Variants in PPP2R5D observed in about 807,000 individuals in gnomAD.
PPP2R5D encodes the protein protein phosphatase 2 regulatory subunit B'delta.
Under a neutral mutation model 79.1 loss-of-function variants are expected in PPP2R5D, and 12 were observed. The observed-to-expected ratio is 0.15, with a 90% confidence interval of 0.10 to 0.25. The LOEUF is 0.25. Ranked by LOEUF, PPP2R5D falls within the 10% of genes least tolerant of loss-of-function variation. PPP2R5D has a pLI of 1.00. For missense variants in PPP2R5D, 419 were observed against 760.2 expected (o/e 0.55, Z 5.28); for synonymous variants, 277 against 286.6 (o/e 0.97, Z 0.34).
At chr6:42,985,244 A>G (rs1770748047) in intron 1 of PPP2R5D, among the ~76,000 whole-genome samples, 1 of 151,954 alleles carries the variant, frequency 6.6e-6, no homozygotes, top group Non-Finnish European at 1.5e-5. Flanking sequence ...CCTCCACCCA[A>G]ATCTGGCCTA....
chr6:42,988,008 G>T lies in PPP2R5D; in HGVS notation c.28-1603G>T, dbSNP rs545703965. Among the ~76,000 whole-genome samples the T allele has an allele frequency of 6.6e-5, 10 of 152,156 alleles. No individual in the cohort carries two copies. In the South Asian group the frequency reaches 1.0e-3, roughly 16 times the overall value. On this transcript the variant is annotated intron_variant, in intron 1 of 15. Transcript: ENST00000485511. ...TGCTCTCAGCCACTGATAAGGGTCA[G>T]TGTGGCCAGCTGGGTTAGTATACAG...
chr6:43,001,731 C>T (rs558109693), intron 2 of PPP2R5D, among the ~76,000 whole-genome samples: 1 of 151,796 alleles, frequency 6.6e-6, no homozygotes, highest in South Asian at 2.1e-4. Context: ...AAAAATACGA[C>T]AAAAAATTAG....
At position 43,007,988 on chromosome 6, in the gene PPP2R5D, C is replaced by G. The variant is rs1762180088; in HGVS notation, c.780C>G (p.Thr260=). 1 of 1,614,042 alleles carries G rather than the reference C, an allele frequency of 6.2e-7. No homozygotes were observed. Among genetic ancestry groups the G allele is most frequent in the Non-Finnish European group, 8.5e-7 (1 of 1,180,036 alleles). The change falls in exon 7 of 16, where the codon ACC becomes ACG. Residue 260 remains threonine (T), a synonymous_variant. Transcript: ENST00000485511. The surrounding 1 kb of genome is among the most constrained non-coding windows in gnomAD (Gnocchi z 4.5). ...EDPRERDFLK[T]ILHRIYGKFL... ...CTCGAGAGCGGGACTTCCTCAAGAC[C>G]ATTTTGCATCGCATCTATGGCAAGT...
At chr6:42,989,933 C>T (rs1172401452) in intron 2 of PPP2R5D, among the ~76,000 whole-genome samples, 1 of 152,188 alleles carries the variant, frequency 6.6e-6, no homozygotes, top group African/African-American at 2.4e-5. Flanking sequence ...CTCTGCTTAC[C>T]AACTTGGAAT....
At position 43,008,469 on chromosome 6, in the gene PPP2R5D, C is replaced by G. The variant is rs1373169420; in HGVS notation, c.1020C>G (p.His340Gln). 1 of 1,608,848 alleles carries G rather than the reference C, an allele frequency of 6.2e-7. No homozygotes were observed. The highest frequency in any genetic ancestry group is 1.3e-5 in the African/African-American group (1 of 74,784). ...AGGTCAAGTCCCTGAGTGTCTACCA[C>G]CCTCAGGTGAGCTGCCTTCCTCCTT... ...LHKVKSLSVY[H>Q]PQLAYCVVQF... Residue 340 changes from histidine (H) to glutamine (Q), a missense_variant, in exon 9 of 16, where the codon CAC becomes CAG. Around this residue, in one of 5 missense-constraint regions of PPP2R5D, gnomAD observed 196 missense variants for 424.5 expected, o/e 0.46. Coordinates refer to ENST00000485511, the MANE Select transcript of PPP2R5D (RefSeq NM_006245.4). The surrounding 1 kb of genome is among the most constrained non-coding windows in gnomAD (Gnocchi z 4.2).
chr6:43,003,647 G>A (rs903161041), intron 2 of PPP2R5D, among the ~76,000 whole-genome samples: 4 of 151,850 alleles, frequency 2.6e-5, no homozygotes, highest in Middle Eastern at 3.2e-3. Flanking sequence ...TCTGAACCTC[G>A]TTTTTGGTTC....
rs749382282 is a variant in PPP2R5D, at chr6:43,010,779, A to C, written c.1554+43A>C. ...CTGTTGTGAACTGAGGGGCCAGCCC[A>C]TCTTGAGCTGGGGGAGAGTTTGTTG... On this transcript the variant is annotated intron_variant, in intron 14 of 15. Transcript: ENST00000485511. This position sits in a 1 kb window ranked among gnomAD's most constrained non-coding sequence, Gnocchi z 4.7. 1 of 1,609,918 alleles carries C rather than the reference A, an allele frequency of 6.2e-7. No individual in the cohort carries two copies. Among genetic ancestry groups the C allele is most frequent in the Non-Finnish European group, 8.5e-7 (1 of 1,176,250 alleles).
Position 43,006,181 on chromosome 6 carries a change from T to G in PPP2R5D, c.106-282T>G, listed in dbSNP as rs1200998308. Among the ~76,000 whole-genome samples, 2 of 152,122 alleles carry G rather than the reference T, an allele frequency of 1.3e-5. No homozygotes were observed. Among genetic ancestry groups the G allele is most frequent in the Non-Finnish European group, 2.9e-5 (2 of 68,000 alleles). On this transcript the variant is annotated intron_variant, in intron 2 of 15. Transcript: ENST00000485511. This position sits in a 1 kb window ranked among gnomAD's most constrained non-coding sequence, Gnocchi z 4.7. ...CTTTTTTGACTTCTGTCACCATCAA[T>G]CTATCAATTAGCTTTACCTGTTCAT...
chr6:43,010,894 G>A lies in PPP2R5D; in HGVS notation c.1568G>A (p.Arg523Gln), dbSNP rs1762321025. Residue 523 changes from arginine (R) to glutamine (Q), a missense_variant, in exon 15 of 16, where the codon CGA becomes CAA. Coordinates refer to ENST00000485511, the MANE Select transcript of PPP2R5D (RefSeq NM_006245.4). This position sits in a 1 kb window ranked among gnomAD's most constrained non-coding sequence, Gnocchi z 4.7. ...ARLNPQYPMF[R>Q]APPPLPPVYS... ...CTCCTCACTCAGTATCCCATGTTCC[G>A]AGCCCCTCCACCACTGCCCCCTGTG... is the stretch of plus-strand genomic sequence containing the variant. 2.5e-6 allele frequency: 4 copies of A among 1,613,436 alleles called. No homozygotes were observed. The South Asian group carries it at 3.3e-5, about 13-fold the overall frequency.
At chr6:42,989,998 A>C (rs1334838939) in intron 2 of PPP2R5D, among the ~76,000 whole-genome samples, 1 of 152,186 alleles carries the variant, frequency 6.6e-6, no homozygotes, top group East Asian at 1.9e-4. Context: ...GATCCTGGGC[A>C]AAAGGGGAAA....
In PPP2R5D at chr6:43,011,130, T is replaced by C. The variant is rs200769220; in HGVS notation, c.1672-19T>C. ...GGGAATTGGTCACCATTCCTCACCT[T>C]GTCCCTATTCACACACAGATGCTAA... On this transcript the variant is annotated intron_variant, in intron 15 of 15. Coordinates refer to ENST00000485511, the MANE Select transcript of PPP2R5D (RefSeq NM_006245.4). The C allele has an allele frequency of 1.2e-6, 2 of 1,614,100 alleles. No individual in the cohort carries two copies. Among genetic ancestry groups the C allele is most frequent in the South Asian group, 2.2e-5 (2 of 91,086 alleles).
rs1762258073 is a variant in PPP2R5D, at chr6:43,009,746, C to A, written c.1379+297C>A. On this transcript the variant is annotated intron_variant, in intron 12 of 15. Transcript: ENST00000485511. The surrounding 1 kb of genome is among the most constrained non-coding windows in gnomAD (Gnocchi z 5.6). ...TCTATGCAGTGAGAAGCTGATGTGA[C>A]CTTCTTTGAGAGTATGTGTAAAGAA... Among the ~76,000 whole-genome samples, 1 of 152,124 alleles carries A rather than the reference C, an allele frequency of 6.6e-6. No individual in the cohort carries two copies. Among genetic ancestry groups the A allele is most frequent in the Admixed American group, 6.6e-5 (1 of 15,262 alleles).
chr6:42,989,822 C>A, intron 2 of PPP2R5D, 134 bp downstream of exon 2: 1 of 812,258 alleles, frequency 1.2e-6, no homozygotes, highest in Admixed American at 2.7e-5. Context: ...CCTGGACAGC[C>A]CATCCAGACT....
Position 42,984,670 on chromosome 6 carries a change from G to C in PPP2R5D, c.-8G>C, listed in dbSNP as rs753529306. On this transcript the variant is annotated 5_prime_UTR_variant, in exon 1 of 16. Transcript: ENST00000485511. ...CGCAGGAGACGGGCCGGGTCCGGAC[G>C]GGCCGAGATGCCCTATAAACTGAAA... The C allele has an allele frequency of 8.8e-5, 142 of 1,605,942 alleles. No homozygotes were observed. The highest frequency in any genetic ancestry group is 1.2e-4 in the Non-Finnish European group (140 of 1,176,972).
rs1176870055 is a variant in PPP2R5D, at chr6:43,010,925, G to A, written c.1599G>A (p.Ser533=). ...RAPPPLPPVY[S]METETPTAED... ...CTCCACCACTGCCCCCTGTGTACTC[G>A]ATGGAGACAGAGACCCCCACAGCTG... The change falls in exon 15 of 16, where the codon TCG becomes TCA. Residue 533 remains serine (S), a synonymous_variant. Transcript: ENST00000485511. This position sits in a 1 kb window ranked among gnomAD's most constrained non-coding sequence, Gnocchi z 4.7. 2.5e-6 allele frequency: 4 copies of A among 1,613,988 alleles called. No individual in the cohort carries two copies. The highest frequency in any genetic ancestry group is 1.3e-5 in the African/African-American group (1 of 74,892).
At chr6:42,998,041 ATATATATATATATATATT>A (rs1771875061) in intron 2 of PPP2R5D, among the ~76,000 whole-genome samples, 3 of 22,398 alleles carry the variant, frequency 1.3e-4, no homozygotes, top group African/African-American at 3.3e-4. Context: ...ATATATATAT[ATATATATATATATATATT>A]TTTTTTTTTT....
intron 2 of PPP2R5D, among the ~76,000 whole-genome samples, chr6:42,994,488 G>A (rs1771491000): frequency 6.6e-6 from 1 of 151,908 alleles, no homozygotes; most frequent in Non-Finnish European, 1.5e-5. Context: ...ACCTGCCTCT[G>A]CAGGTAAGGG....
In PPP2R5D at chr6:42,998,013, ATTTATATATATATATATATATATAT is replaced by A. The variant is rs1771840129; in HGVS notation, c.105+8326_105+8350del. 1.1e-3 allele frequency among the ~76,000 whole-genome samples: 42 copies of A among 38,424 alleles called. No individual in the cohort carries two copies. The South Asian group carries it at 0.014, about 13-fold the overall frequency. 25.2% of individuals were successfully genotyped at this position (38,424 alleles called of 152,430 possible). A position where few individuals can be genotyped will look rare whatever the true frequency, so the allele number is the denominator to read the frequency against. On this transcript the variant is annotated intron_variant, in intron 2 of 15. Coordinates refer to ENST00000485511, the MANE Select transcript of PPP2R5D (RefSeq NM_006245.4). Reference sequence around the variant, plus strand: ...ATTTATATTTGAATATTTGGGTTTTATTTATATATATATATATATATATATATATATATATATATATATATTTTTT... The same window carrying A: ...ATTTATATTTGAATATTTGGGTTTTAATATATATATATATATATATTTTTT...
chr6:43,007,411 T>C lies in PPP2R5D; in HGVS notation c.634-3T>C, dbSNP rs778402305. The C allele has an allele frequency of 1.6e-5, 25 of 1,611,770 alleles. No homozygotes were observed. The Admixed American group carries it at 2.2e-4, about 14-fold the overall frequency. ...CCTCAGTGGCGTGCCTTTTCCCCTA[T>C]AGCTCGTGTATGAGTTCTTCTTACG... On this transcript the variant is annotated splice_polypyrimidine_tract_variant and splice_region_variant and intron_variant, in intron 5 of 15. Coordinates refer to ENST00000485511, the MANE Select transcript of PPP2R5D (RefSeq NM_006245.4). The surrounding 1 kb of genome is among the most constrained non-coding windows in gnomAD (Gnocchi z 4.5).
Sources: allele counts gnomAD v4.1 joint callset (sites outside exome capture counted in the v4.1 genomes callset), GRCh38; gene constraint gnomAD v4.1.1; regional missense constraint gnomAD v4.1.1; non-coding constraint Gnocchi (gnomAD v3.1); transcripts MANE v1.5; gene names NCBI Gene and HGNC (gene_info 2026-07-23, HGNC 2026-07-21).